WASHC5: variants seen among roughly 807,000 people sequenced by gnomAD.
WASHC5 encodes the protein WASH complex subunit 5, also known as WASH complex subunit strumpellin.
A neutral mutation model predicts 150.4 loss-of-function variants in WASHC5; 101 were observed. That is an observed-to-expected ratio of 0.67 (90% confidence interval 0.57 to 0.79). The LOEUF is 0.79. WASHC5 is among the 30% of genes least tolerant of loss of function. The pLI is 0.00. For missense variants in WASHC5, 1,195 were observed against 1,396.3 expected (o/e 0.86, Z 2.30); for synonymous variants, 467 against 491.2 (o/e 0.95, Z 0.65).
chr8:125,052,544 A>G (rs1266259977), intron 17 of WASHC5, among the ~76,000 whole-genome samples: 1 of 151,908 alleles, frequency 6.6e-6, no homozygotes, highest in Non-Finnish European at 1.5e-5. Context: ...AGAGACACGC[A>G]AGTATATCAC....
intron 9 of WASHC5, among the ~76,000 whole-genome samples, chr8:125,069,017 C>T (rs950675955): frequency 1.2e-4 from 19 of 152,330 alleles, no homozygotes; most frequent in African/African-American, 3.4e-4. Context: ...GCTACTGCTG[C>T]GGTTTCAATG....
chr8:125,029,030 CT>C (rs574526697), intron 27 of WASHC5, among the ~76,000 whole-genome samples: 22,640 of 122,640 alleles, frequency 0.18, 1,806 homozygotes, highest in South Asian at 0.35. Flanking sequence ...TCCCTGCACA[CT>C]TTTTTTTTTT....
intron 12 of WASHC5, among the ~76,000 whole-genome samples, chr8:125,060,403 T>A (rs1377401694): frequency 1.3e-5 from 2 of 151,294 alleles, no homozygotes; most frequent in African/African-American, 2.4e-5. Flanking sequence ...GGACAATCGC[T>A]GGAACCCAGG....
chr8:125,090,567 T>C (rs1293815957), intron 1 of WASHC5, among the ~76,000 whole-genome samples: 2 of 152,234 alleles, frequency 1.3e-5, no homozygotes, highest in Non-Finnish European at 2.9e-5. Flanking sequence ...TGCCGGTAAC[T>C]TCATTTTTAA....
chr8:125,035,482 A>G (rs1191837208), intron 26 of WASHC5, among the ~76,000 whole-genome samples: 1 of 152,260 alleles, frequency 6.6e-6, no homozygotes, highest in Non-Finnish European at 1.5e-5. Flanking sequence ...GAATCTCTGA[A>G]TCTTCAGATG....
At chr8:125,076,026 G>A (rs1817049534) in intron 7 of WASHC5, among the ~76,000 whole-genome samples, 1 of 152,080 alleles carries the variant, frequency 6.6e-6, no homozygotes, top group African/African-American at 2.4e-5. Flanking sequence ...CTTAGATTCA[G>A]AAAATGGAAA....
In WASHC5 at chr8:125,056,729, C is replaced by T. The variant is rs766466433; in HGVS notation, c.1964G>A (p.Arg655His). 21 of 1,613,884 alleles carry T rather than the reference C, an allele frequency of 1.3e-5. No homozygotes were observed. Among genetic ancestry groups the T allele is most frequent in the African/African-American group, 8.0e-5 (6 of 74,848 alleles). ...QTHDIIEVPTRLDKDKLRDYA... is the reference protein window; with the variant it reads ...QTHDIIEVPTHLDKDKLRDYA... ...GTCCCTCAGCTTGTCTTTGTCCAGG[C>T]GGGTAGGCACTTCAATAATGTCGTG... The change falls in exon 16 of 29, where the codon CGC becomes CAC. Residue 655 changes from arginine to histidine, a missense_variant. This residue lies in a region of WASHC5 where 997 missense variants were observed against 1,168.1 expected (regional missense o/e 0.85). Coordinates refer to ENST00000318410, the MANE Select transcript of WASHC5 (RefSeq NM_014846.4).
chr8:125,082,112 G>T (rs969325091), intron 4 of WASHC5, among the ~76,000 whole-genome samples: 1 of 152,158 alleles, frequency 6.6e-6, no homozygotes, highest in Admixed American at 6.5e-5. Flanking sequence ...TAGGTATCAG[G>T]ACAGATGGCT....
chr8:125,050,713 C>A (rs1166382369), intron 17 of WASHC5, 48 bp from the exon 18 acceptor site: 1 of 1,429,822 alleles, frequency 7.0e-7, no homozygotes, highest in African/African-American at 1.4e-5. Flanking sequence ...AAAATTCAGT[C>A]CTAACGAAAT....
intron 9 of WASHC5, among the ~76,000 whole-genome samples, chr8:125,072,511 C>T (rs1816929218): frequency 6.6e-6 from 1 of 152,062 alleles, no homozygotes; most frequent in African/African-American, 2.4e-5. Flanking sequence ...GTAGCTGGGA[C>T]TACAGGTGTG....
intron 17 of WASHC5, among the ~76,000 whole-genome samples, chr8:125,054,444 A>G (rs1816342531): frequency 6.6e-6 from 1 of 152,204 alleles, no homozygotes; most frequent in Admixed American, 6.5e-5. Flanking sequence ...TGCTATGGGT[A>G]ATGGAAATGG....
rs1198346654 is a variant in WASHC5 at position 125,024,317 on chromosome 8, A to G, written c.*300T>C. ...TCTGGAGTTGCACAAATAGTTCTTT[A>G]GAACATAAAACTAAATGGATTTATA... is the stretch of plus-strand genomic sequence containing the variant. On this transcript the variant is annotated 3_prime_UTR_variant, in exon 29 of 29. Transcript: ENST00000318410. 1 of 423,346 alleles carries G rather than the reference A, an allele frequency of 2.4e-6. No homozygotes were observed. The highest frequency in any genetic ancestry group is 4.3e-6 in the Non-Finnish European group (1 of 230,700). The allele number at this position is 423,346 out of a possible 1,614,324, so 26.2% of individuals were successfully genotyped here. A position where few individuals can be genotyped will look rare whatever the true frequency, so the allele number is the denominator to read the frequency against.
chr8:125,032,503 C>T, intron 26 of WASHC5, 109 bp from the exon 27 acceptor site: 1 of 1,235,176 alleles, frequency 8.1e-7, no homozygotes, highest in Non-Finnish European at 1.2e-6. Flanking sequence ...TTCTCGCTGG[C>T]AGATGATATT....
intron 26 of WASHC5, 60 bp downstream of exon 26, chr8:125,037,177 T>C (rs976363114): frequency 2.1e-6 from 2 of 943,968 alleles, no homozygotes; most frequent in South Asian, 2.6e-5. Context: ...AAAAGCTATT[T>C]AGTTAAATGT....
At chr8:125,044,803 T>A (rs1816011134) in intron 20 of WASHC5, 105 bp from the exon 21 acceptor site, 1 of 1,140,538 alleles carries the variant, frequency 8.8e-7, no homozygotes, top group Non-Finnish European at 1.3e-6. Context: ...AGAACAGGAG[T>A]TACATGATCT....
intron 28 of WASHC5, 101 bp from the exon 29 acceptor site, chr8:125,024,774 TAG>T: frequency 1.2e-6 from 1 of 820,262 alleles, no homozygotes; most frequent in Non-Finnish European, 2.1e-6. Flanking sequence ...AGGTGAATAA[TAG>T]AAGAGGAGAC....
At chr8:125,074,975 A>C (rs779768726) in intron 8 of WASHC5, 23 bp downstream of exon 8, 43 of 1,372,288 alleles carry the variant, frequency 3.1e-5, no homozygotes, top group Admixed American at 1.7e-5. Flanking sequence ...GTTATCAGAG[A>C]ATGTCCCCAG....
intron 27 of WASHC5, among the ~76,000 whole-genome samples, chr8:125,030,617 G>A (rs1197169770): frequency 6.8e-5 from 9 of 133,262 alleles, no homozygotes; most frequent in East Asian, 2.4e-4. Context: ...CAACCTGGGC[G>A]ACAGAGCGAC....
At chr8:125,069,829 C>A (rs553309799) in intron 9 of WASHC5, among the ~76,000 whole-genome samples, 8 of 152,296 alleles carry the variant, frequency 5.3e-5, no homozygotes, top group Middle Eastern at 3.4e-3. Flanking sequence ...AAAAATCAAA[C>A]AAACTCAGAA....
Sources: gnomAD v4.1 joint callset for allele counts (sites outside exome capture counted in the v4.1 genomes callset) on GRCh38, gnomAD v4.1.1 for gene constraint, gnomAD v4.1.1 regional missense constraint, MANE v1.5 for transcripts, NCBI Gene and HGNC (gene_info 2026-07-23, HGNC 2026-07-21) for gene names.